The following ZFAT variants were observed in gnomAD, a reference collection of about 807,000 sequenced individuals.
ZFAT encodes zinc finger protein ZFAT.
A neutral mutation model predicts 117.7 loss-of-function variants in ZFAT; 64 were observed. That is an observed-to-expected ratio of 0.54 (90% confidence interval 0.44 to 0.67). The LOEUF (loss-of-function observed/expected upper bound fraction) is 0.67, where lower values mean the gene tolerates loss of function less well. Among genes scored for constraint, ZFAT ranks in the 30% least tolerant of loss-of-function variants. The pLI, the probability that ZFAT is intolerant of heterozygous loss-of-function variation, is 0.00. For missense variants in ZFAT, 1,433 were observed against 1,584.5 expected (o/e 0.90, Z 1.62); for synonymous variants, 679 against 615.0 (o/e 1.10, Z -1.54).
chr8:134,489,095 T>C (rs1350283752), intron 15 of ZFAT, among the ~76,000 whole-genome samples: 1 of 151,446 alleles, frequency 6.6e-6, no homozygotes, highest in Non-Finnish European at 1.5e-5. Context: ...TATAGGAATT[T>C]TAGTTTTACT....
chr8:134,712,700 C>A, intron 1 of ZFAT, 145 bp downstream of exon 1: 3 of 662,572 alleles, frequency 4.5e-6, no homozygotes, highest in Non-Finnish European at 7.0e-6. Context: ...CGCTCTCCTC[C>A]CCAGACCCGG....
At chr8:134,811,492 A>T in the ZFAT span, among the ~76,000 whole-genome samples, 29 of 152,336 alleles carry the variant, frequency 1.9e-4, no homozygotes, top group African/African-American at 6.5e-4. Context: ...GTCAGAAAAA[A>T]CAAGTACTTC....
At chr8:134,600,859 G>T (rs1247064225) in intron 6 of ZFAT, among the ~76,000 whole-genome samples, 191 bp from the exon 7 acceptor site, 3 of 152,210 alleles carry the variant, frequency 2.0e-5, no homozygotes, top group Admixed American at 2.0e-4. Flanking sequence ...AATATTAAGG[G>T]TGCTACTATT....
intron 10 of ZFAT, among the ~76,000 whole-genome samples, chr8:134,578,566 G>A (rs1353188217): frequency 2.6e-5 from 4 of 152,118 alleles, no homozygotes; most frequent in African/African-American, 9.7e-5. Flanking sequence ...AGACAGGAGG[G>A]TTCTGAACAG....
chr8:134,602,073 G>A lies in ZFAT; in HGVS notation c.1646C>T (p.Pro549Leu), dbSNP rs202155119. The change falls in exon 6 of 16, where the codon CCG (proline) becomes CTG (leucine). Residue 549 changes from proline (P) to leucine (L), a missense_variant. Transcript: ENST00000377838. ...DTQLEEGRKE[P>L]EAPGEMPAPA... ...GGCAGGCATTTCCCCAGGGGCCTCCGGCTCCTTCCGGCCCTCCTCCAGCTG... is the reference window on the plus strand; with the variant it reads ...GGCAGGCATTTCCCCAGGGGCCTCCAGCTCCTTCCGGCCCTCCTCCAGCTG... 1,246 of 1,611,118 alleles carry A rather than the reference G, an allele frequency of 7.7e-4. 20 individuals carry two copies. In the South Asian group the frequency reaches 0.011, roughly 15 times the overall value.
chr8:134,765,492 T>G, the ZFAT span: 21 of 152,224 alleles, frequency 1.4e-4, no homozygotes, highest in Admixed American at 1.4e-3. Context: ...CACTGGAGAC[T>G]AGTATTACTC....
chr8:134,760,044 GC>G, the ZFAT span, among the ~76,000 whole-genome samples: 1 of 149,178 alleles, frequency 6.7e-6, no homozygotes, highest in Non-Finnish European at 1.5e-5. Flanking sequence ...ACTTTGGGAG[GC>G]CAAGGCGGGC....
chr8:134,825,748 C>G, the ZFAT span, among the ~76,000 whole-genome samples: 5 of 152,150 alleles, frequency 3.3e-5, no homozygotes, highest in Non-Finnish European at 7.4e-5. Flanking sequence ...AGGCTGGGCG[C>G]GGTGGCTCAT....
chr8:134,681,439 C>T (rs1833065440), intron 1 of ZFAT, among the ~76,000 whole-genome samples: 1 of 152,186 alleles, frequency 6.6e-6, no homozygotes, highest in Non-Finnish European at 1.5e-5. Context: ...TTCCCCTTAG[C>T]GATGATGCTG....
At chr8:134,645,971 G>A (rs1309492655) in intron 2 of ZFAT, among the ~76,000 whole-genome samples, 2 of 152,132 alleles carry the variant, frequency 1.3e-5, no homozygotes, top group Non-Finnish European at 2.9e-5. Context: ...GGGAGGCCGA[G>A]GCGGGTGGAT....
chr8:134,703,021 G>A (rs1362784656), intron 1 of ZFAT, among the ~76,000 whole-genome samples: 2 of 152,202 alleles, frequency 1.3e-5, no homozygotes, highest in East Asian at 3.8e-4. Context: ...GTCTTTCTCA[G>A]CAGCATGAAA....
chr8:134,608,179 T>A (rs927762394), intron 5 of ZFAT, among the ~76,000 whole-genome samples: 1 of 152,242 alleles, frequency 6.6e-6, no homozygotes, highest in African/African-American at 2.4e-5. Context: ...TTTTGGTATT[T>A]AGTATTTGCA....
chr8:134,538,224 CA>C (rs532942359), intron 11 of ZFAT, among the ~76,000 whole-genome samples: 1 of 152,104 alleles, frequency 6.6e-6, no homozygotes, highest in Non-Finnish European at 1.5e-5. Flanking sequence ...GTGTGGGGAT[CA>C]GGGGAGTCTG....
chr8:134,650,517 C>G (rs1831176148), intron 2 of ZFAT, among the ~76,000 whole-genome samples: 1 of 152,142 alleles, frequency 6.6e-6, no homozygotes. Flanking sequence ...CAATCTTTAT[C>G]AAAAATCCAA....
intron 15 of ZFAT, among the ~76,000 whole-genome samples, chr8:134,481,279 A>G (rs758120042): frequency 5.9e-5 from 9 of 152,314 alleles, no homozygotes; most frequent in Non-Finnish European, 1.3e-4. Flanking sequence ...TAAATGCCAC[A>G]CAAAGGAAAG....
At chr8:134,555,267 T>C (rs1361830522) in intron 11 of ZFAT, among the ~76,000 whole-genome samples, 1 of 152,080 alleles carries the variant, frequency 6.6e-6, no homozygotes, top group Non-Finnish European at 1.5e-5. Context: ...CTAGAAACTT[T>C]AGTGATGGCT....
chr8:134,507,053 G>A (rs1819468486), intron 15 of ZFAT, among the ~76,000 whole-genome samples: 1 of 152,154 alleles, frequency 6.6e-6, no homozygotes, highest in Non-Finnish European at 1.5e-5. Flanking sequence ...TTGAGCAAGA[G>A]AAAGCCCCTG....
chr8:134,616,953 G>A (rs993179994), intron 3 of ZFAT, among the ~76,000 whole-genome samples: 4 of 152,138 alleles, frequency 2.6e-5, no homozygotes, highest in Admixed American at 6.5e-5. Context: ...ACACAATTAC[G>A]GGGAAAACCC....
intron 1 of ZFAT, among the ~76,000 whole-genome samples, chr8:134,710,184 G>A (rs1255406268): frequency 6.6e-6 from 1 of 152,178 alleles, no homozygotes; most frequent in Non-Finnish European, 1.5e-5. Context: ...GGAGGAGGAA[G>A]GCACCAATCG....
Sources: allele counts gnomAD v4.1 joint callset (sites outside exome capture counted in the v4.1 genomes callset), GRCh38; gene constraint gnomAD v4.1.1; transcripts MANE v1.5; gene names NCBI Gene and HGNC (gene_info 2026-07-23, HGNC 2026-07-21).